The following PTPRM variants were observed in gnomAD, a reference collection of about 807,000 sequenced individuals.
PTPRM encodes the protein receptor-type tyrosine-protein phosphatase mu.
In PTPRM, 47 loss-of-function variants were observed where a neutral mutation model predicts 186.7. The ratio of observed to expected loss-of-function variants is 0.25; its 90% CI spans 0.20 to 0.32. The LOEUF is 0.32. Among genes scored for constraint, PTPRM ranks in the 10% least tolerant of loss-of-function variants. The pLI, the probability that PTPRM is intolerant of heterozygous loss-of-function variation, is 1.00. For synonymous variants in PTPRM, 668 were observed against 674.9 expected (o/e 0.99, Z 0.16); for missense variants, 1,494 against 1,865.0 (o/e 0.80, Z 3.66).
intron 1 of PTPRM, among the ~76,000 whole-genome samples, chr18:7,698,757 C>T (rs1245957444): frequency 6.6e-6 from 1 of 152,122 alleles, no homozygotes; most frequent in South Asian, 2.1e-4. Flanking sequence ...ACTACTAACA[C>T]TTGGTCTGTC....
At chr18:8,185,532 G>C (rs1250927927) in intron 14 of PTPRM, among the ~76,000 whole-genome samples, 1 of 152,210 alleles carries the variant, frequency 6.6e-6, no homozygotes, top group Non-Finnish European at 1.5e-5. Context: ...ATTCAGGTTT[G>C]TCACTAGACA....
chr18:7,776,660 G>GA (rs1022723274), intron 2 of PTPRM, among the ~76,000 whole-genome samples: 2 of 151,842 alleles, frequency 1.3e-5, no homozygotes, highest in Non-Finnish European at 2.9e-5. Flanking sequence ...TCTACTTGGG[G>GA]AAAAAAAGTT....
At chr18:8,287,060 C>T (rs1601638786) in intron 19 of PTPRM, among the ~76,000 whole-genome samples, 1 of 151,006 alleles carries the variant, frequency 6.6e-6, no homozygotes, top group East Asian at 1.9e-4. Context: ...TAAAACTTCA[C>T]AGCTCTCCAA....
intron 11 of PTPRM, among the ~76,000 whole-genome samples, chr18:8,100,743 A>G (rs1600568625): frequency 6.6e-6 from 1 of 152,346 alleles, no homozygotes; most frequent in East Asian, 1.9e-4. Context: ...TGATCAGTGA[A>G]AATTATTTGC....
At chr18:8,227,313 A>ATGAATGTTTTT (rs2094225648) in intron 14 of PTPRM, among the ~76,000 whole-genome samples, 1 of 152,244 alleles carries the variant, frequency 6.6e-6, no homozygotes, top group African/African-American at 2.4e-5. Flanking sequence ...CACCTGAAGC[A>ATGAATGTTTTT]ACCTCTTTTA....
At chr18:8,201,038 A>G (rs1399187254) in intron 14 of PTPRM, among the ~76,000 whole-genome samples, 1 of 152,242 alleles carries the variant, frequency 6.6e-6, no homozygotes, top group Non-Finnish European at 1.5e-5. Context: ...ATTTAAGGCC[A>G]GGCACGATGG....
In PTPRM at chr18:8,394,589, A is replaced by T; in HGVS notation, c.4322A>T (p.Lys1441Met). The T allele has an allele frequency of 1.2e-6, 2 of 1,612,064 alleles. No homozygotes were observed. The highest frequency in any genetic ancestry group is 1.7e-4 in the Middle Eastern group (1 of 6,054). The change falls in exon 32 of 33, where the codon AAG (lysine) becomes ATG (methionine). Residue 1441 changes from lysine (K) to methionine (M), a missense_variant. Around this residue, in one of 3 missense-constraint regions of PTPRM, gnomAD observed 1,107 missense variants for 1,350.2 expected, o/e 0.82. Coordinates refer to ENST00000580170, the MANE Select transcript of PTPRM (RefSeq NM_001105244.2). The part of the protein sequence containing the change: ...FHAVKTLRNN[K>M]PNMVDLLDQY... ...GCTGTGAAGACACTGAGGAACAACAAGCCCAACATGGTCGACCTCCTGGTA... is the reference window on the plus strand; with the variant it reads ...GCTGTGAAGACACTGAGGAACAACATGCCCAACATGGTCGACCTCCTGGTA...
intron 7 of PTPRM, among the ~76,000 whole-genome samples, chr18:7,990,784 CTG>C (rs2083227346): frequency 6.6e-6 from 1 of 152,024 alleles, no homozygotes; most frequent in South Asian, 2.1e-4. Context: ...AGGATAGACT[CTG>C]TGTTAATGTC....
chr18:7,767,237 G>C (rs893533401), intron 1 of PTPRM, among the ~76,000 whole-genome samples: 1 of 152,160 alleles, frequency 6.6e-6, no homozygotes, highest in Non-Finnish European at 1.5e-5. Flanking sequence ...AATCTTGAAG[G>C]ATCTTGAAAT....
At chr18:8,065,605 A>C (rs1292375211) in intron 7 of PTPRM, among the ~76,000 whole-genome samples, 1 of 152,088 alleles carries the variant, frequency 6.6e-6, no homozygotes, top group Non-Finnish European at 1.5e-5. Flanking sequence ...GGAAGCAGGG[A>C]GGCATCAGTG....
intron 7 of PTPRM, among the ~76,000 whole-genome samples, chr18:8,020,728 C>T (rs1049773703): frequency 1.3e-5 from 2 of 152,042 alleles, no homozygotes; most frequent in Non-Finnish European, 2.9e-5. Flanking sequence ...TTTTTTCTCC[C>T]ACAATTGTTT....
At chr18:8,315,773 T>C (rs2095304973) in intron 21 of PTPRM, among the ~76,000 whole-genome samples, 1 of 152,324 alleles carries the variant, frequency 6.6e-6, no homozygotes, top group Middle Eastern at 3.4e-3. Context: ...AAGAAAGTTA[T>C]CTAAAAATAA....
intron 7 of PTPRM, among the ~76,000 whole-genome samples, chr18:7,969,620 G>A (rs2054396619): frequency 7.4e-6 from 1 of 134,464 alleles, no homozygotes; most frequent in Non-Finnish European, 1.6e-5. Flanking sequence ...AAATGATAAA[G>A]GGGATATCAC....
intron 14 of PTPRM, among the ~76,000 whole-genome samples, chr18:8,157,769 C>T (rs2093152550): frequency 1.3e-5 from 2 of 152,180 alleles, no homozygotes; most frequent in South Asian, 4.1e-4. Flanking sequence ...CCTCTAAACC[C>T]CAAATGCTTC....
chr18:7,952,363 TC>T (rs1464955009), intron 6 of PTPRM, among the ~76,000 whole-genome samples: 2 of 152,254 alleles, frequency 1.3e-5, no homozygotes, highest in African/African-American at 4.8e-5. Flanking sequence ...CTTCCTTCCT[TC>T]TTTACCTCTT....
Position 7,567,787 on chromosome 18 carries a change from G to T in PTPRM, c.-32G>T. On this transcript the variant is annotated 5_prime_UTR_variant, in exon 1 of 33. Coordinates refer to ENST00000580170, the MANE Select transcript of PTPRM (RefSeq NM_001105244.2). The surrounding 1 kb of genome is among the most constrained non-coding windows in gnomAD (Gnocchi z 4.3). ...CGCCCTCGCGCGCCCACCCACCGCC[G>T]CCGGGGAGCGGCCCGGCCCGCACTC... is the stretch of plus-strand genomic sequence containing the variant. 6.6e-7 allele frequency: 1 copy of T among 1,511,262 alleles called. No individual in the cohort carries two copies. The highest frequency in any genetic ancestry group is 2.7e-5 in the East Asian group (1 of 36,892). The allele number at this position is 1,511,262 out of a possible 1,614,324, so 93.6% of individuals were successfully genotyped here.
chr18:8,153,450 A>T (rs569650295), intron 14 of PTPRM, among the ~76,000 whole-genome samples: 1 of 152,340 alleles, frequency 6.6e-6, no homozygotes, highest in Non-Finnish European at 1.5e-5. Flanking sequence ...CCAACAAGTC[A>T]TGTCAGATTT....
chr18:7,662,386 A>G (rs1186092518), intron 1 of PTPRM, among the ~76,000 whole-genome samples: 1 of 152,250 alleles, frequency 6.6e-6, no homozygotes, highest in Non-Finnish European at 1.5e-5. Flanking sequence ...AGCCATAAAA[A>G]AGAATGAGAT....
At chr18:8,039,530 G>A (rs547129354) in intron 7 of PTPRM, among the ~76,000 whole-genome samples, 33 of 151,878 alleles carry the variant, frequency 2.2e-4, no homozygotes, top group African/African-American at 6.3e-4. Context: ...CGTATTTTTC[G>A]TTTTAAACAT....
Sources: allele counts gnomAD v4.1 joint callset (sites outside exome capture counted in the v4.1 genomes callset), GRCh38; gene constraint gnomAD v4.1.1; regional missense constraint gnomAD v4.1.1; non-coding constraint Gnocchi (gnomAD v3.1); transcripts MANE v1.5; gene names NCBI Gene and HGNC (gene_info 2026-07-23, HGNC 2026-07-21).